ZNF250: variants seen among roughly 807,000 people sequenced by gnomAD.
ZNF250 encodes the protein zinc finger protein 250, also known as zinc finger protein (clone 647).
A neutral mutation model predicts 37.1 loss-of-function variants in ZNF250; 13 were observed. The ratio of observed to expected loss-of-function variants is 0.35; its 90% CI spans 0.23 to 0.56. The LOEUF is 0.56. Ranked by LOEUF, ZNF250 falls within the 20% of genes least tolerant of loss-of-function variation. The pLI is 0.87. For synonymous variants in ZNF250, 251 were observed against 265.6 expected (o/e 0.94, Z 0.54); for missense variants, 474 against 697.9 (o/e 0.68, Z 3.61).
Position 144,890,456 on chromosome 8 carries a change from C to T in ZNF250, c.-54-53G>A, listed in dbSNP as rs1832253595. The T allele has an allele frequency of 3.5e-6, 4 of 1,155,054 alleles. No homozygotes were observed. Among genetic ancestry groups the T allele is most frequent in the Non-Finnish European group, 4.7e-6 (4 of 859,002 alleles). The allele number at this position is 1,155,054 out of a possible 1,614,324, so 71.6% of individuals were successfully genotyped here. A position where few individuals can be genotyped will look rare whatever the true frequency, so the allele number is the denominator to read the frequency against. On this transcript the variant is annotated intron_variant, in intron 1 of 5. Transcript: ENST00000417550. The surrounding 1 kb of genome is among the most constrained non-coding windows in gnomAD (Gnocchi z 5.1). ...GGCATGGCCTTGAGACCGTAACTTC[C>T]TAGGGGGCCCTCAGGGGATCCCTGG...
At position 144,890,101 on chromosome 8, in the gene ZNF250, T is replaced by C. The variant is rs2129792471; in HGVS notation, c.43-42A>G. On this transcript the variant is annotated intron_variant, in intron 2 of 5. Transcript: ENST00000417550. This position sits in a 1 kb window ranked among gnomAD's most constrained non-coding sequence, Gnocchi z 5.1. ...TGCTGCAGGTAAAACCAAATCCTGA[T>C]GTCTGTGATGGGGAGTGGGTGCATG... is the stretch of plus-strand genomic sequence containing the variant. 1 of 1,599,380 alleles carries C rather than the reference T, an allele frequency of 6.3e-7. No homozygotes were observed. Among genetic ancestry groups the C allele is most frequent in the Middle Eastern group, 1.7e-4 (1 of 6,048 alleles).
intron 5 of ZNF250, among the ~76,000 whole-genome samples, chr8:144,883,589 C>G (rs2129704538): frequency 6.6e-6 from 1 of 152,262 alleles, no homozygotes; most frequent in East Asian, 1.9e-4. Flanking sequence ...ATTCACCCAC[C>G]TCGGCCTCCC....
At chr8:144,899,047 A>G (rs1443358526) in intron 1 of ZNF250, among the ~76,000 whole-genome samples, 2 of 152,242 alleles carry the variant, frequency 1.3e-5, no homozygotes, top group Non-Finnish European at 2.9e-5. Context: ...TGATTCAACT[A>G]TAAAAATAAG....
At chr8:144,886,387 A>G (rs1204330242) in intron 5 of ZNF250, among the ~76,000 whole-genome samples, 2 of 152,184 alleles carry the variant, frequency 1.3e-5, no homozygotes, top group Non-Finnish European at 2.9e-5. Flanking sequence ...TCAATCATCC[A>G]TGGCACGAAA....
At position 144,901,453 on chromosome 8, in the gene ZNF250, C is replaced by T. The variant is rs1450441689; in HGVS notation, c.-109G>A. 1 of 152,438 alleles carries T rather than the reference C, an allele frequency of 6.6e-6. No homozygotes were observed. Among genetic ancestry groups the T allele is most frequent in the Non-Finnish European group, 1.5e-5 (1 of 68,234 alleles). The allele number at this position is 152,438 out of a possible 1,614,324, so 9.4% of individuals were successfully genotyped here. On this transcript the variant is annotated 5_prime_UTR_variant, in exon 1 of 6. Transcript: ENST00000417550. The surrounding 1 kb of genome is among the most constrained non-coding windows in gnomAD (Gnocchi z 5.4). ...AACGGCATCCCGCAGCACCTTCAGA[C>T]AAAGGGCTGCCCCGCCCCGTCTGCG...
In ZNF250 at chr8:144,880,365, T is replaced by G. The variant is rs1586882603; in HGVS notation, c.*1150A>C. ...CCATAAGATGTAAAGAGGTACCCAC[T>G]TGGTGTAACAGCTATGAGGTCTGCT... On this transcript the variant is annotated 3_prime_UTR_variant, in exon 6 of 6. Coordinates refer to ENST00000417550, the MANE Select transcript of ZNF250 (RefSeq NM_001109689.4). 8.8e-6 allele frequency: 4 copies of G among 453,800 alleles called. No homozygotes were observed. The highest frequency in any genetic ancestry group is 3.3e-4 in the Middle Eastern group (1 of 3,066). The allele number at this position is 453,800 out of a possible 1,614,324, so 28.1% of individuals were successfully genotyped here.
At chr8:144,901,760 C>G (rs947677554), upstream of ZNF250, 2 of 152,872 alleles carry the variant, frequency 1.3e-5, no homozygotes, top group African/African-American at 4.8e-5. This position sits in a 1 kb window ranked among gnomAD's most constrained non-coding sequence, Gnocchi z 5.4. Flanking sequence ...CGCTCGCAGT[C>G]CCGGTTCCCG....
Position 144,877,354 on chromosome 8 carries a change from G to A in ZNF250, c.*4161C>T, listed in dbSNP as rs1007463524. On this transcript the variant is annotated 3_prime_UTR_variant, in exon 6 of 6. Transcript: ENST00000417550. ...CTCCCAAAGTGCTGGGATTACAGGTGTGAGCCATTGCACCCAGCCAAAGAG... is the reference window on the plus strand; with the variant it reads ...CTCCCAAAGTGCTGGGATTACAGGTATGAGCCATTGCACCCAGCCAAAGAG... 2 of 152,186 alleles carry A rather than the reference G, an allele frequency of 1.3e-5. No homozygotes were observed. The highest frequency in any genetic ancestry group is 2.9e-5 in the Non-Finnish European group (2 of 68,056). 9.4% of individuals were successfully genotyped at this position (152,186 alleles called of 1,614,324 possible).
At chr8:144,895,731 C>T (rs1347399694) in intron 1 of ZNF250, among the ~76,000 whole-genome samples, 2 of 151,918 alleles carry the variant, frequency 1.3e-5, no homozygotes, top group African/African-American at 4.8e-5. Flanking sequence ...AAAAATCGGC[C>T]AGGCGCAGTG....
chr8:144,886,719 G>T, intron 5 of ZNF250, 121 bp downstream of exon 5: 1 of 774,012 alleles, frequency 1.3e-6, no homozygotes, highest in Non-Finnish European at 2.0e-6. Context: ...GTGTTTTGTA[G>T]CAATTGTGTG....
intron 4 of ZNF250, among the ~76,000 whole-genome samples, chr8:144,888,126 G>A (rs1004899836): frequency 2.0e-5 from 3 of 152,128 alleles, no homozygotes; most frequent in Non-Finnish European, 4.4e-5. Context: ...TTAAGCAACC[G>A]CAAACATGAA....
At chr8:144,883,904 A>C (rs1246988385) in intron 5 of ZNF250, among the ~76,000 whole-genome samples, 1 of 151,320 alleles carries the variant, frequency 6.6e-6, no homozygotes, top group Non-Finnish European at 1.5e-5. Context: ...TTTTAGATGG[A>C]GTCTCTGTCA....
intron 3 of ZNF250, 44 bp downstream of exon 3, chr8:144,889,889 T>C: frequency 6.4e-7 from 1 of 1,558,874 alleles, no homozygotes. Flanking sequence ...CCCACCCCAG[T>C]CCAATACGCA....
chr8:144,883,417 G>A (rs1331649314), intron 5 of ZNF250, among the ~76,000 whole-genome samples: 1 of 150,992 alleles, frequency 6.6e-6, no homozygotes, highest in African/African-American at 2.4e-5. Context: ...TCGGTTCACT[G>A]CAACCCCCAC....
rs1191101312 is a variant in ZNF250 at position 144,891,404 on chromosome 8, T to C, written c.-54-1001A>G. On this transcript the variant is annotated intron_variant, in intron 1 of 5. Transcript: ENST00000417550. This position sits in a 1 kb window ranked among gnomAD's most constrained non-coding sequence, Gnocchi z 4.0. ...TGGGGGCAGAAGTCAAGGGACATCA[T>C]AATCTCAGTGTCTATAAAACATCAG... 6.6e-6 allele frequency among the ~76,000 whole-genome samples: 1 copy of C among 152,156 alleles called. No individual in the cohort carries two copies. The highest frequency in any genetic ancestry group is 1.5e-5 in the Non-Finnish European group (1 of 68,028).
chr8:144,884,696 G>A (rs564954934), intron 5 of ZNF250, among the ~76,000 whole-genome samples: 5 of 151,900 alleles, frequency 3.3e-5, no homozygotes, highest in Admixed American at 1.3e-4. Context: ...TCATGTTTTC[G>A]ATTTTTTTTT....
intron 1 of ZNF250, among the ~76,000 whole-genome samples, chr8:144,900,620 T>C (rs1325780846): frequency 6.6e-6 from 1 of 151,870 alleles, no homozygotes; most frequent in Non-Finnish European, 1.5e-5. Flanking sequence ...TTGCAAAGAG[T>C]TGGGCTCATT....
At position 144,882,125 on chromosome 8, in the gene ZNF250, T is replaced by C. The variant is rs1436698832; in HGVS notation, c.1058A>G (p.Gln353Arg). ...FSVKRTLLQH[Q>R]RIHTGEKPYT... ...GGGCTTCTCCCCGGTGTGGATCCTC[T>C]GGTGCTGCAGCAGTGTCCTCTTCAC... The change falls in exon 6 of 6, where the codon CAG (glutamine) becomes CGG (arginine). Residue 353 changes from glutamine (Q) to arginine (R), a missense_variant. Physicochemically the swap from Gln to Arg is conservative, Grantham distance 43. This residue lies in a region of ZNF250 where 282 missense variants were observed against 470.4 expected (regional missense o/e 0.60). Transcript: ENST00000417550. The surrounding 1 kb of genome is among the most constrained non-coding windows in gnomAD (Gnocchi z 5.5). The C allele has an allele frequency of 6.2e-7, 1 of 1,613,364 alleles. No homozygotes were observed. The highest frequency in any genetic ancestry group is 8.5e-7 in the Non-Finnish European group (1 of 1,179,792).
chr8:144,889,835 ACCTCCAGGACCAGCCTGT>A, intron 3 of ZNF250, 80 bp downstream of exon 3: 1 of 1,488,350 alleles, frequency 6.7e-7, no homozygotes, highest in Non-Finnish European at 9.0e-7. Context: ...ATGAGAGCAA[ACCTCCAGGACCAGCCTGT>A]CCCAGGCCCC....
Sources: gnomAD v4.1 joint callset for allele counts (sites outside exome capture counted in the v4.1 genomes callset) on GRCh38, gnomAD v4.1.1 for gene constraint, gnomAD v4.1.1 regional missense constraint, Gnocchi (gnomAD v3.1) non-coding constraint, MANE v1.5 for transcripts, NCBI Gene and HGNC (gene_info 2026-07-23, HGNC 2026-07-21) for gene names.